SENP7: variants seen among roughly 807,000 people sequenced by gnomAD.
The protein encoded by SENP7 is SUMO specific peptidase 7.
SENP7 carries 64 observed loss-of-function variants against 141.2 expected under a neutral mutation model. The ratio of observed to expected loss-of-function variants is 0.45; its 90% confidence interval spans 0.37 to 0.56. The LOEUF (loss-of-function observed/expected upper bound fraction) is 0.56, where lower values mean the gene tolerates loss of function less well. SENP7 is among the 20% of genes least tolerant of loss of function. SENP7 has a pLI of 0.00. For missense variants in SENP7, 1,025 were observed against 1,212.2 expected (o/e 0.85, Z 2.29); for synonymous variants, 382 against 426.4 (o/e 0.90, Z 1.28).
At chr3:101,422,817 C>T (rs1166296927) in intron 4 of SENP7, among the ~76,000 whole-genome samples, 2 of 151,484 alleles carry the variant, frequency 1.3e-5, no homozygotes, top group Non-Finnish European at 2.9e-5. Flanking sequence ...ATAATCACAG[C>T]AGAAAAAAAA....
chr3:101,475,117 A>G (rs1332826585), intron 3 of SENP7, among the ~76,000 whole-genome samples: 1 of 152,226 alleles, frequency 6.6e-6, no homozygotes, highest in African/African-American at 2.4e-5. Context: ...GTTACCAAAA[A>G]AACTTAAAAA....
At chr3:101,408,910 T>C (rs529142181) in intron 5 of SENP7, among the ~76,000 whole-genome samples, 2 of 152,110 alleles carry the variant, frequency 1.3e-5, no homozygotes, top group Admixed American at 1.3e-4. Context: ...CTCTTCAACA[T>C]AGTACTGGAA....
In SENP7 at chr3:101,329,485, T is replaced by TA. The variant is rs770021272; in HGVS notation, c.2752-797dup. Among the ~76,000 whole-genome samples the TA allele has an allele frequency of 1.9e-3, 278 of 144,554 alleles. 1 individual carries two copies. The highest frequency in any genetic ancestry group is 5.3e-3 in the African/African-American group (211 of 39,728). 94.8% of individuals were successfully genotyped at this position (144,554 alleles called of 152,430 possible). On this transcript the variant is annotated intron_variant, in intron 20 of 23. Transcript: ENST00000394095. The stretch of plus-strand genomic sequence containing the variant: ...GGGAGTCTGCTGCTATTTGTACATA[T>TA]AAAAAAAAAAAATCATTAAGTGGCA...
chr3:101,473,993 C>T (rs1310558350), intron 3 of SENP7, among the ~76,000 whole-genome samples: 4 of 152,172 alleles, frequency 2.6e-5, no homozygotes, highest in Non-Finnish European at 5.9e-5. Context: ...ATAAGGAATC[C>T]TTTCCCCATT....
intron 11 of SENP7, chr3:101,357,276 C>T (rs894302021): frequency 9.5e-6 from 5 of 526,454 alleles, no homozygotes; most frequent in African/African-American, 7.8e-5. Context: ...GCTGAGATTA[C>T]AGGCGTGAGC....
chr3:101,451,899 A>G (rs200839273), intron 4 of SENP7, among the ~76,000 whole-genome samples: 1 of 152,216 alleles, frequency 6.6e-6, no homozygotes, highest in Non-Finnish European at 1.5e-5. Flanking sequence ...AGGGTATTCA[A>G]TTAGGAAATG....
At chr3:101,460,679 CAA>C in intron 3 of SENP7, among the ~76,000 whole-genome samples, 1 of 151,996 alleles carries the variant, frequency 6.6e-6, no homozygotes. Context: ...CCACAAGTAA[CAA>C]GAGAAAAATG....
intron 1 of SENP7, among the ~76,000 whole-genome samples, chr3:101,501,715 GAGTACAGTATAGTGGGCAAATTAGGC>G (rs1165984636): frequency 4.1e-4 from 62 of 152,158 alleles, no homozygotes; most frequent in African/African-American, 1.5e-3. Flanking sequence ...GCTAGGCAAT[GAGTACAGTATAGTGGGCAAATTAGGC>G]AGTACAGTAT....
chr3:101,423,069 T>A (rs1310844217), intron 4 of SENP7, among the ~76,000 whole-genome samples: 1 of 152,134 alleles, frequency 6.6e-6, no homozygotes, highest in Non-Finnish European at 1.5e-5. Flanking sequence ...ATGCCTTTTG[T>A]CATAATTTTA....
At chr3:101,377,914 G>A (rs937405972) in intron 6 of SENP7, among the ~76,000 whole-genome samples, 3 of 152,128 alleles carry the variant, frequency 2.0e-5, no homozygotes, top group Non-Finnish European at 2.9e-5. Flanking sequence ...GCTCATTAAC[G>A]CCTGAGGTTG....
intron 6 of SENP7, among the ~76,000 whole-genome samples, chr3:101,390,343 A>G (rs1444814890): frequency 2.1e-5 from 1 of 47,320 alleles, no homozygotes; most frequent in African/African-American, 7.2e-5. Context: ...ACATTGACCG[A>G]AAAAAAAAAA....
intron 4 of SENP7, among the ~76,000 whole-genome samples, chr3:101,438,536 CTG>C (rs2062478246): frequency 6.6e-6 from 1 of 151,964 alleles, no homozygotes; most frequent in Non-Finnish European, 1.5e-5. Flanking sequence ...CAACATTAAA[CTG>C]TACAATTAAA....
chr3:101,351,482 T>C (rs1257176579), intron 12 of SENP7, 136 bp downstream of exon 12: 3 of 604,938 alleles, frequency 5.0e-6, no homozygotes, highest in East Asian at 3.8e-5. Flanking sequence ...TCAGAACAAG[T>C]CCATTATAAA....
At chr3:101,403,643 A>C (rs957547005) in intron 5 of SENP7, among the ~76,000 whole-genome samples, 2 of 152,236 alleles carry the variant, frequency 1.3e-5, no homozygotes, top group Admixed American at 6.5e-5. Context: ...CAGAATAAAA[A>C]GTGCTGCAAC....
rs1324099766 is a variant in SENP7 at position 101,325,202 on chromosome 3, A to T, written c.*741T>A. On this transcript the variant is annotated 3_prime_UTR_variant, in exon 24 of 24. Transcript: ENST00000394095. Reference sequence around the variant, plus strand: ...AAGTTGAGCTACATGTATAATTTTTAAAAAACTATTTTGCACAGGTAAAAT... The same window carrying T: ...AAGTTGAGCTACATGTATAATTTTTTAAAAACTATTTTGCACAGGTAAAAT... The T allele has an allele frequency of 6.6e-6, 1 of 152,114 alleles. No individual in the cohort carries two copies. Among genetic ancestry groups the T allele is most frequent in the Admixed American group, 6.6e-5 (1 of 15,232 alleles). The allele number at this position is 152,114 out of a possible 1,614,324, so 9.4% of individuals were successfully genotyped here.
At chr3:101,340,782 T>C (rs964547963) in intron 15 of SENP7, among the ~76,000 whole-genome samples, 1 of 152,132 alleles carries the variant, frequency 6.6e-6, no homozygotes, top group African/African-American at 2.4e-5. Flanking sequence ...AAAGGAGACA[T>C]ATAATTTAAT....
At chr3:101,413,532 T>C (rs2061512544) in intron 5 of SENP7, among the ~76,000 whole-genome samples, 1 of 152,166 alleles carries the variant, frequency 6.6e-6, no homozygotes. Context: ...TCCAGTACTA[T>C]ATTAGGAATA....
chr3:101,428,733 T>C (rs1332079565), intron 4 of SENP7, among the ~76,000 whole-genome samples: 2 of 152,224 alleles, frequency 1.3e-5, no homozygotes, highest in African/African-American at 2.4e-5. Flanking sequence ...TTTGTTGCCA[T>C]TGCTTTTGGT....
intron 11 of SENP7, 140 bp from the exon 12 acceptor site, chr3:101,351,791 A>G (rs1202426934): frequency 1.6e-6 from 1 of 623,850 alleles, no homozygotes; most frequent in Non-Finnish European, 2.3e-6. Flanking sequence ...AACCAATAAA[A>G]TATTTCACTA....
Sources: allele counts gnomAD v4.1 joint callset (sites outside exome capture counted in the v4.1 genomes callset), GRCh38; gene constraint gnomAD v4.1.1; transcripts MANE v1.5; gene names NCBI Gene and HGNC (gene_info 2026-07-23, HGNC 2026-07-21).